DENND2A: variants seen among roughly 807,000 people sequenced by gnomAD.
DENND2A encodes the protein DENN domain containing 2A.
DENND2A carries 53 observed loss-of-function variants against 105.3 expected under a neutral mutation model. The ratio of observed to expected loss-of-function variants is 0.50; its 90% CI spans 0.40 to 0.63. The LOEUF is 0.63. DENND2A is among the 30% of genes least tolerant of loss of function. DENND2A has a pLI of 0.00. For missense variants in DENND2A, 1,138 were observed against 1,279.6 expected (o/e 0.89, Z 1.69); for synonymous variants, 522 against 508.4 (o/e 1.03, Z -0.36).
At position 140,527,493 on chromosome 7, in the gene DENND2A, A is replaced by G. The variant is rs6464833; in HGVS notation, c.2330T>C (p.Ile777Thr). ...RVIFIADKLS[I>T]LSKCCHAMVA... ...CATCGCGTGGCAGCACTTGGACAGG[A>G]TGCTGCAGCCGGGGAGAGAACAGGG... The change falls in exon 15 of 20, where the codon ATC (isoleucine) becomes ACC (threonine). Residue 777 changes from isoleucine (I) to threonine (T), a missense_variant and splice_region_variant. Ile to Thr is a moderately conservative substitution (Grantham distance 89). Coordinates refer to ENST00000496613, the MANE Select transcript of DENND2A (RefSeq NM_015689.5). The surrounding 1 kb of genome is among the most constrained non-coding windows in gnomAD (Gnocchi z 4.9). 0.097 allele frequency: 155,064 copies of G among 1,596,278 alleles called. 11,799 individuals carry two copies. Among genetic ancestry groups the G allele is most frequent in the African/African-American group, 0.41 (30,712 of 74,732 alleles).
intron 19 of DENND2A, 25 bp from the exon 20 acceptor site, chr7:140,518,763 T>C (rs751952552): frequency 1.4e-5 from 22 of 1,611,136 alleles, no homozygotes; most frequent in Non-Finnish European, 1.5e-5. Flanking sequence ...AATGAGAACA[T>C]TTCACAAGGC....
chr7:140,585,491 A>G (rs1019790632), intron 5 of DENND2A, 98 bp downstream of exon 5: 2 of 1,530,608 alleles, frequency 1.3e-6, no homozygotes, highest in Admixed American at 1.7e-5. Flanking sequence ...GGGCAGGTGG[A>G]GGTGGCCTGG....
rs1486800663 is a variant in DENND2A at position 140,640,244 on chromosome 7, T to C, written c.-248+260A>G. On this transcript the variant is annotated intron_variant, in intron 1 of 19. Transcript: ENST00000496613. The surrounding 1 kb of genome is among the most constrained non-coding windows in gnomAD (Gnocchi z 4.9). ...CGGCGCAGGGCGGGGGTCTACCGGC[T>C]TTCTGCAGGTCCCCGAGGCGCGAGA... The C allele has an allele frequency of 2.0e-5, 3 of 152,230 alleles. No homozygotes were observed. The highest frequency in any genetic ancestry group is 2.9e-5 in the Non-Finnish European group (2 of 68,164). The allele number at this position is 152,230 out of a possible 1,614,324, so 9.4% of individuals were successfully genotyped here.
At chr7:140,580,100 C>T (rs994020468) in intron 5 of DENND2A, among the ~76,000 whole-genome samples, 2 of 151,846 alleles carry the variant, frequency 1.3e-5, no homozygotes, top group Non-Finnish European at 2.9e-5. Flanking sequence ...AAGAGGGAAA[C>T]TCCATCTCAA....
At chr7:140,548,678 A>T (rs1797000265) in intron 12 of DENND2A, among the ~76,000 whole-genome samples, 1 of 151,002 alleles carries the variant, frequency 6.6e-6, no homozygotes, top group Non-Finnish European at 1.5e-5. Flanking sequence ...CAGTGGCATG[A>T]TCTCGGCTCA....
At chr7:140,564,294 A>ACAC (rs60977409) in intron 9 of DENND2A, among the ~76,000 whole-genome samples, 3 of 142,008 alleles carry the variant, frequency 2.1e-5, no homozygotes, top group Non-Finnish European at 4.6e-5. Context: ...AAAAAAAAAA[A>ACAC]AAATACACAC....
chr7:140,625,167 A>G (rs375594676), intron 1 of DENND2A, among the ~76,000 whole-genome samples: 1 of 151,738 alleles, frequency 6.6e-6, no homozygotes, highest in Non-Finnish European at 1.5e-5. Flanking sequence ...ATCTGAGGTC[A>G]GGAGTTGGAG....
intron 17 of DENND2A, among the ~76,000 whole-genome samples, chr7:140,522,348 C>G (rs971394385): frequency 6.6e-6 from 1 of 152,196 alleles, no homozygotes; most frequent in Non-Finnish European, 1.5e-5. Flanking sequence ...GAGTCTCACT[C>G]CATTGCCCAG....
At chr7:140,580,634 T>C (rs1278424073) in intron 5 of DENND2A, among the ~76,000 whole-genome samples, 1 of 152,028 alleles carries the variant, frequency 6.6e-6, no homozygotes, top group African/African-American at 2.4e-5. Flanking sequence ...ATTTTACTAT[T>C]ATTATTATTT....
chr7:140,632,467 T>C (rs1292780360), intron 1 of DENND2A, among the ~76,000 whole-genome samples: 3 of 152,210 alleles, frequency 2.0e-5, no homozygotes, highest in African/African-American at 4.8e-5. Flanking sequence ...AATGAGCATA[T>C]CCAACTCTCA....
chr7:140,546,386 C>G (rs1796905329), intron 13 of DENND2A, among the ~76,000 whole-genome samples: 1 of 152,174 alleles, frequency 6.6e-6, no homozygotes, highest in African/African-American at 2.4e-5. Flanking sequence ...CCACTGCACT[C>G]CAGCCTGGGC....
chr7:140,599,129 G>C (rs1422794479), intron 3 of DENND2A, among the ~76,000 whole-genome samples: 1 of 152,102 alleles, frequency 6.6e-6, no homozygotes, highest in East Asian at 1.9e-4. Flanking sequence ...TTGAGGTCAG[G>C]GGTTCGAGAC....
chr7:140,627,317 T>G (rs1201879699), intron 1 of DENND2A, among the ~76,000 whole-genome samples: 1 of 151,958 alleles, frequency 6.6e-6, no homozygotes, highest in Non-Finnish European at 1.5e-5. Context: ...GTTCAAGCAA[T>G]TCTTGTGCCT....
At chr7:140,569,075 C>T (rs1307976550) in intron 7 of DENND2A, among the ~76,000 whole-genome samples, 1 of 152,116 alleles carries the variant, frequency 6.6e-6, no homozygotes, top group East Asian at 1.9e-4. Flanking sequence ...CAGGTGTATG[C>T]CACCATGCCT....
intron 2 of DENND2A, among the ~76,000 whole-genome samples, chr7:140,602,815 A>T (rs372014518): frequency 4.6e-5 from 7 of 151,870 alleles, no homozygotes; most frequent in Admixed American, 6.6e-5. Flanking sequence ...CTCTACAAAA[A>T]TTTTTTTTAA....
chr7:140,544,918 G>T lies in DENND2A; in HGVS notation c.2179-152C>A, dbSNP rs1381337391. On this transcript the variant is annotated intron_variant, in intron 13 of 19. Transcript: ENST00000496613. ...AGAAAAAAAGCAAAACAAAAGGATT[G>T]GGGGAAAAGAAAGATGCCAGAAGAC... 4.2e-6 allele frequency: 6 copies of T among 1,438,950 alleles called. No individual in the cohort carries two copies. The African/African-American group carries it at 8.6e-5, about 21-fold the overall frequency. The allele number at this position is 1,438,950 out of a possible 1,614,324, so 89.1% of individuals were successfully genotyped here. A position where few individuals can be genotyped will look rare whatever the true frequency, so the allele number is the denominator to read the frequency against.
At chr7:140,524,936 A>C (rs1585548340) in intron 16 of DENND2A, among the ~76,000 whole-genome samples, 1 of 132,954 alleles carries the variant, frequency 7.5e-6, no homozygotes, top group South Asian at 2.3e-4. Flanking sequence ...CCCAGGTTGG[A>C]GTGCAGTGGC....
At chr7:140,607,277 C>T (rs963346853) in intron 1 of DENND2A, among the ~76,000 whole-genome samples, 3 of 152,098 alleles carry the variant, frequency 2.0e-5, no homozygotes, top group South Asian at 2.1e-4. Flanking sequence ...ATGCAGATAG[C>T]TCTTGGGAAC....
At position 140,532,842 on chromosome 7, in the gene DENND2A, T is replaced by C. The variant is rs187734189; in HGVS notation, c.2328-5347A>G. Among the ~76,000 whole-genome samples, 513 of 151,998 alleles carry C rather than the reference T, an allele frequency of 3.4e-3. 6 individuals are homozygous for C. The highest frequency in any genetic ancestry group is 4.8e-3 in the Non-Finnish European group (329 of 67,996). On this transcript the variant is annotated intron_variant, in intron 14 of 19. Transcript: ENST00000496613. The stretch of plus-strand genomic sequence containing the variant: ...GAGTTCAAGTCCAGCCTGGGCAACA[T>C]AGTTAGATCCTCATCTCTAAAACAA...
Sources: allele counts gnomAD v4.1 joint callset (sites outside exome capture counted in the v4.1 genomes callset), GRCh38; gene constraint gnomAD v4.1.1; non-coding constraint Gnocchi (gnomAD v3.1); transcripts MANE v1.5; gene names NCBI Gene and HGNC (gene_info 2026-07-23, HGNC 2026-07-21).